The following MACROD2 variants were observed in gnomAD, a reference collection of about 807,000 sequenced individuals.
MACROD2 encodes the protein ADP-ribose glycohydrolase MACROD2.
In MACROD2, 36 loss-of-function variants were observed where a neutral mutation model predicts 70.4. The observed-to-expected ratio is 0.51, with a 90% confidence interval of 0.39 to 0.68. The LOEUF is 0.68. MACROD2 is among the 30% of genes least tolerant of loss of function. The pLI is 0.00. For missense variants in MACROD2, 496 were observed against 538.4 expected (o/e 0.92, Z 0.78); for synonymous variants, 172 against 178.8 (o/e 0.96, Z 0.30).
intron 6 of MACROD2, among the ~76,000 whole-genome samples, chr20:15,362,844 A>G (rs887641948): frequency 2.0e-5 from 3 of 152,066 alleles, no homozygotes; most frequent in African/African-American, 2.4e-5. Context: ...TGTTGAATAT[A>G]TAGGAAAAAA....
chr20:15,243,747 C>T (rs2077080871), intron 6 of MACROD2, among the ~76,000 whole-genome samples: 1 of 149,020 alleles, frequency 6.7e-6, no homozygotes, highest in African/African-American at 2.5e-5. Context: ...AACCCTGTCT[C>T]TACTAAAAAT....
At chr20:14,430,442 G>C (rs540713996) in intron 3 of MACROD2, among the ~76,000 whole-genome samples, 1 of 152,232 alleles carries the variant, frequency 6.6e-6, no homozygotes, top group South Asian at 2.1e-4. Context: ...GATAGTAAAT[G>C]CTACATTTAG....
chr20:15,270,929 ACTT>A (rs1265914104), intron 6 of MACROD2, among the ~76,000 whole-genome samples: 1 of 152,032 alleles, frequency 6.6e-6, no homozygotes, highest in Non-Finnish European at 1.5e-5. Context: ...TTTCGGTTCT[ACTT>A]CTGCTTCTTG....
intron 8 of MACROD2, among the ~76,000 whole-genome samples, chr20:15,773,048 A>G (rs1013939480): frequency 6.6e-6 from 1 of 152,064 alleles, no homozygotes; most frequent in African/African-American, 2.4e-5. Flanking sequence ...CTTCCTTTTG[A>G]GTCATTTAAA....
intron 5 of MACROD2, among the ~76,000 whole-genome samples, chr20:14,702,156 A>AT (rs200983148): frequency 2.1e-4 from 32 of 151,090 alleles, no homozygotes; most frequent in Non-Finnish European, 3.0e-4. Flanking sequence ...AGAAAGCTTT[A>AT]TTTTTTTTTA....
intron 5 of MACROD2, among the ~76,000 whole-genome samples, chr20:15,060,195 T>A (rs2075520981): frequency 6.6e-6 from 1 of 152,220 alleles, no homozygotes; most frequent in East Asian, 1.9e-4. Context: ...TAAGCTGGAA[T>A]TCCATTTCCA....
intron 5 of MACROD2, among the ~76,000 whole-genome samples, chr20:14,765,249 C>A (rs2072070952): frequency 6.6e-6 from 1 of 152,038 alleles, no homozygotes; most frequent in Admixed American, 6.5e-5. Context: ...TTCTCTTTCT[C>A]CCCTACACCC....
intron 3 of MACROD2, among the ~76,000 whole-genome samples, chr20:14,420,456 T>C (rs1332293079): frequency 1.3e-5 from 2 of 152,148 alleles, no homozygotes; most frequent in African/African-American, 4.8e-5. Context: ...TTATTTGCAT[T>C]TCACTGATAG....
chr20:14,706,294 C>T (rs1358046787), intron 5 of MACROD2, among the ~76,000 whole-genome samples: 3 of 147,126 alleles, frequency 2.0e-5, no homozygotes, highest in Non-Finnish European at 4.5e-5. Context: ...AGCCTGGTGA[C>T]AGAGCAAGAT....
chr20:15,207,200 C>T (rs2076716594), intron 5 of MACROD2, among the ~76,000 whole-genome samples: 1 of 151,980 alleles, frequency 6.6e-6, no homozygotes, highest in Non-Finnish European at 1.5e-5. Context: ...TTCATCACAC[C>T]CTCTCTGTTT....
intron 2 of MACROD2, among the ~76,000 whole-genome samples, chr20:14,052,269 G>A (rs375952565): frequency 2.0e-5 from 3 of 151,936 alleles, no homozygotes; most frequent in South Asian, 4.1e-4. Context: ...CAGAGTTTTC[G>A]AATTGCAGAC....
intron 3 of MACROD2, among the ~76,000 whole-genome samples, chr20:14,358,958 G>T (rs2083197682): frequency 6.6e-6 from 1 of 152,140 alleles, no homozygotes; most frequent in Non-Finnish European, 1.5e-5. Flanking sequence ...AAGCTGAGGA[G>T]GGAGGATCGC....
intron 3 of MACROD2, among the ~76,000 whole-genome samples, chr20:14,470,015 T>C (rs2084508703): frequency 6.6e-6 from 1 of 151,978 alleles, no homozygotes; most frequent in Non-Finnish European, 1.5e-5. Context: ...GGCATTCTGG[T>C]TTTTGGAATT....
At chr20:15,991,534 G>C (rs1284268441) in intron 15 of MACROD2, among the ~76,000 whole-genome samples, 1 of 152,110 alleles carries the variant, frequency 6.6e-6, no homozygotes, top group Non-Finnish European at 1.5e-5. Context: ...CCTAACACTT[G>C]GGCCATCATA....
chr20:15,802,891 A>G (rs548659742), intron 8 of MACROD2, among the ~76,000 whole-genome samples: 2 of 152,246 alleles, frequency 1.3e-5, no homozygotes, highest in Non-Finnish European at 2.9e-5. Flanking sequence ...ATGAACAACT[A>G]TACGCTAACA....
At chr20:15,735,428 A>T (rs1262680097) in intron 8 of MACROD2, among the ~76,000 whole-genome samples, 1 of 152,224 alleles carries the variant, frequency 6.6e-6, no homozygotes, top group African/African-American at 2.4e-5. Context: ...AAGCCACTTT[A>T]TTAGCAGTGT....
intron 6 of MACROD2, among the ~76,000 whole-genome samples, chr20:15,378,340 T>G (rs2045594122): frequency 7.1e-6 from 1 of 140,574 alleles, no homozygotes; most frequent in Non-Finnish European, 1.5e-5. Flanking sequence ...AGAGACCCAG[T>G]AGAGGGCAGC....
At chr20:14,245,463 G>T (rs544443619) in intron 3 of MACROD2, among the ~76,000 whole-genome samples, 1 of 152,162 alleles carries the variant, frequency 6.6e-6, no homozygotes, top group East Asian at 1.9e-4. Context: ...CCATTCTTCA[G>T]TGGAGAAACT....
At chr20:14,941,707 C>G (rs1351570148) in intron 5 of MACROD2, among the ~76,000 whole-genome samples, 1 of 152,010 alleles carries the variant, frequency 6.6e-6, no homozygotes, top group Non-Finnish European at 1.5e-5. Flanking sequence ...CACCTTGTTT[C>G]TAAGCCGCAT....
Sources: allele counts gnomAD v4.1 joint callset (sites outside exome capture counted in the v4.1 genomes callset), GRCh38; gene constraint gnomAD v4.1.1; transcripts MANE v1.5; gene names NCBI Gene and HGNC (gene_info 2026-07-23, HGNC 2026-07-21).